UNC5B: variants seen among roughly 807,000 people sequenced by gnomAD.
The protein encoded by UNC5B is netrin receptor UNC5B.
UNC5B carries 56 observed loss-of-function variants against 103.7 expected under a neutral mutation model. The ratio of observed to expected loss-of-function variants is 0.54; its 90% CI spans 0.44 to 0.67. The LOEUF is 0.67. Ranked by LOEUF, UNC5B falls within the 30% of genes least tolerant of loss-of-function variation. The probability of loss-of-function intolerance (pLI) is 0.00; values close to 1 mark genes in which losing one functional copy is unlikely to be tolerated. For synonymous variants in UNC5B, 577 were observed against 542.0 expected (o/e 1.06, Z -0.90); for missense variants, 1,194 against 1,284.5 (o/e 0.93, Z 1.08).
intron 1 of UNC5B, among the ~76,000 whole-genome samples, chr10:71,223,127 G>A (rs1843484154): frequency 1.3e-5 from 2 of 152,198 alleles, no homozygotes; most frequent in African/African-American, 4.8e-5. Context: ...TGGGGAGACA[G>A]GTTCAGCAGG....
chr10:71,270,364 G>T (rs1564724899), intron 1 of UNC5B, among the ~76,000 whole-genome samples: 2 of 135,144 alleles, frequency 1.5e-5, no homozygotes, highest in Non-Finnish European at 3.2e-5. Context: ...GGGAGGGAGG[G>T]AGGGAGGGTG....
intron 1 of UNC5B, among the ~76,000 whole-genome samples, chr10:71,222,724 C>G (rs1843476547): frequency 6.6e-6 from 1 of 152,194 alleles, no homozygotes; most frequent in Non-Finnish European, 1.5e-5. Context: ...CCTGCCCTGA[C>G]CCAGGAGGCA....
At chr10:71,291,930 A>C in intron 10 of UNC5B, 109 bp downstream of exon 10, 1 of 1,424,984 alleles carries the variant, frequency 7.0e-7, no homozygotes, top group Non-Finnish European at 9.2e-7. Flanking sequence ...CATCTCACAG[A>C]TGGGGAAAGG....
intron 15 of UNC5B, among the ~76,000 whole-genome samples, chr10:71,297,142 A>G (rs73278240): frequency 6.7e-6 from 1 of 149,906 alleles, no homozygotes; most frequent in African/African-American, 2.5e-5. Flanking sequence ...AGCACACAGA[A>G]CCCTGTAGTT....
rs1354437814 is a variant in UNC5B at position 71,224,415 on chromosome 10, A to ACACACACG, written c.79+11352_79+11353insACACACGC. Reference sequence around the variant, plus strand: ...CACACACACACACACACACACACACACGAAATGACAGCAGAAAAAGCCCCA... The same window carrying ACACACACG: ...CACACACACACACACACACACACACACACACACGCGAAATGACAGCAGAAAAAGCCCCA... On this transcript the variant is annotated intron_variant, in intron 1 of 16. Transcript: ENST00000335350. Among the ~76,000 whole-genome samples the ACACACACG allele has an allele frequency of 3.0e-3, 455 of 149,540 alleles. 6 individuals are homozygous for ACACACACG. The highest frequency in any genetic ancestry group is 0.011 in the African/African-American group (431 of 40,164).
At chr10:71,276,345 G>C (rs1038329022) in intron 1 of UNC5B, among the ~76,000 whole-genome samples, 2 of 152,066 alleles carry the variant, frequency 1.3e-5, no homozygotes, top group African/African-American at 4.8e-5. Context: ...GCTGGTATCC[G>C]TGCAGCCTGG....
At chr10:71,290,063 G>A (rs1166449062) in intron 8 of UNC5B, among the ~76,000 whole-genome samples, 3 of 152,250 alleles carry the variant, frequency 2.0e-5, no homozygotes, top group Admixed American at 6.5e-5. Context: ...GAACTGCCCA[G>A]TGTGAAAGCC....
At chr10:71,276,214 G>A (rs902236968) in intron 1 of UNC5B, among the ~76,000 whole-genome samples, 5 of 152,012 alleles carry the variant, frequency 3.3e-5, no homozygotes, top group Admixed American at 6.6e-5. Context: ...AAATCAAAAC[G>A]TTTGTGCATC....
chr10:71,298,519 A>G lies in UNC5B; in HGVS notation c.2672+429A>G, dbSNP rs1845502753. Among the ~76,000 whole-genome samples the G allele has an allele frequency of 2.0e-5, 3 of 152,180 alleles. No homozygotes were observed. In the South Asian group the frequency reaches 6.2e-4, roughly 31 times the overall value. On this transcript the variant is annotated intron_variant, in intron 16 of 16. Coordinates refer to ENST00000335350, the MANE Select transcript of UNC5B (RefSeq NM_170744.5). ...GTCAAAACTCCTTTGGAGAACCTCAAATGCTGGATAAGTGCTGGATAAATA... is the reference window on the plus strand; with the variant it reads ...GTCAAAACTCCTTTGGAGAACCTCAGATGCTGGATAAGTGCTGGATAAATA...
At chr10:71,216,297 G>T (rs1843328100) in intron 1 of UNC5B, among the ~76,000 whole-genome samples, 1 of 152,214 alleles carries the variant, frequency 6.6e-6, no homozygotes, top group Non-Finnish European at 1.5e-5. Flanking sequence ...GGCAGCTAAA[G>T]ATAAGATCGC....
At chr10:71,293,672 A>T in intron 12 of UNC5B, 28 bp from the exon 13 acceptor site, 3 of 1,599,528 alleles carry the variant, frequency 1.9e-6, no homozygotes, top group Non-Finnish European at 2.6e-6. Flanking sequence ...AACTGTGACC[A>T]CTACCCCACC....
intron 2 of UNC5B, 31 bp downstream of exon 2, chr10:71,280,076 A>G (rs756599877): frequency 6.2e-7 from 1 of 1,607,726 alleles, no homozygotes; most frequent in Non-Finnish European, 8.5e-7. Context: ...TGGGCACCCC[A>G]GGACACCCCA....
intron 1 of UNC5B, among the ~76,000 whole-genome samples, chr10:71,275,447 G>A (rs1204898189): frequency 2.6e-5 from 4 of 152,190 alleles, no homozygotes; most frequent in Non-Finnish European, 4.4e-5. Flanking sequence ...TCCTGCCATC[G>A]ACCAGGTGAC....
At chr10:71,270,357 AG>A (rs1844614547) in intron 1 of UNC5B, among the ~76,000 whole-genome samples, 1 of 6,428 alleles carries the variant, frequency 1.6e-4, no homozygotes, top group Non-Finnish European at 4.2e-4. Context: ...GGAGGGAGGG[AG>A]GGAGGGAGGG....
intron 1 of UNC5B, among the ~76,000 whole-genome samples, chr10:71,274,369 A>T (rs2394791): frequency 0.95 from 144,663 of 151,886 alleles, 68,957 homozygotes; most frequent in African/African-American, 0.97. Flanking sequence ...AAAAAAAAAA[A>T]AAAATAAAAT....
rs760565978 is a variant in UNC5B, at chr10:71,280,048, G to A, written c.304+3G>A. 3 of 1,613,370 alleles carry A rather than the reference G, an allele frequency of 1.9e-6. No individual in the cohort carries two copies. In the East Asian group the frequency reaches 6.7e-5, roughly 36 times the overall value. ...GGAAGGCCTGGATGAGGCCACCGGT[G>A]AGCCCGCCCCACTTGCCTGGGCACC... On this transcript the variant is annotated splice_donor_region_variant and intron_variant, in intron 2 of 16. Transcript: ENST00000335350.
intron 1 of UNC5B, among the ~76,000 whole-genome samples, chr10:71,269,224 GC>G (rs1210893901): frequency 6.6e-6 from 1 of 152,030 alleles, no homozygotes; most frequent in Non-Finnish European, 1.5e-5. Flanking sequence ...TGGGAATGGG[GC>G]GGCTTTTATT....
rs535363099 is a variant in UNC5B, at chr10:71,295,900, C to T, written c.2265C>T (p.Arg755=). ...TCAAGGACAGTTACCACAACCTGCGCCTCTCCCTCCATGACCTCCCCCATG... is the reference window on the plus strand; with the variant it reads ...TCAAGGACAGTTACCACAACCTGCGTCTCTCCCTCCATGACCTCCCCCATG... ...LMFKDSYHNL[R]LSLHDLPHAH... The change falls in exon 14 of 17, where the codon CGC becomes CGT. Residue 755 remains arginine, a synonymous_variant. Coordinates refer to ENST00000335350, the MANE Select transcript of UNC5B (RefSeq NM_170744.5). 5.2e-5 allele frequency: 84 copies of T among 1,613,222 alleles called. No homozygotes were observed. Among genetic ancestry groups the T allele is most frequent in the Non-Finnish European group, 6.9e-5 (82 of 1,180,036 alleles).
intron 1 of UNC5B, among the ~76,000 whole-genome samples, chr10:71,248,965 CCTGTGGG>C (rs1844112420): frequency 6.6e-6 from 1 of 152,082 alleles, no homozygotes; most frequent in Non-Finnish European, 1.5e-5. Context: ...CCCACTCCTT[CCTGTGGG>C]CAGTATGTAC....
Sources: allele counts gnomAD v4.1 joint callset (sites outside exome capture counted in the v4.1 genomes callset), GRCh38; gene constraint gnomAD v4.1.1; transcripts MANE v1.5; gene names NCBI Gene and HGNC (gene_info 2026-07-23, HGNC 2026-07-21).